RWDD3: variants seen among roughly 807,000 people sequenced by gnomAD.
The protein encoded by RWDD3 is RWD domain containing 3.
A neutral mutation model predicts 26.5 loss-of-function variants in RWDD3; 30 were observed. The ratio of observed to expected loss-of-function variants is 1.13; its 90% CI spans 0.85 to 1.54. The LOEUF (loss-of-function observed/expected upper bound fraction) is 1.54. Ranked by LOEUF, RWDD3 falls within the 40% of genes most tolerant of loss-of-function variation. The pLI, the probability that RWDD3 is intolerant of heterozygous loss-of-function variation, is 0.00. For synonymous variants in RWDD3, 113 were observed against 114.5 expected, an observed-to-expected ratio of 0.99 and a Z score of 0.09; for missense variants, 296 against 309.1, an observed-to-expected ratio of 0.96 and a Z score of 0.32.
In RWDD3 at chr1:95,246,633, C is replaced by T. The variant is rs762674258; in HGVS notation, c.665C>T (p.Thr222Ile). ...KEKMISVLFE[T>I]KVQTEHKRFL... ...AAAATGATTAGTGTACTGTTTGAAA[C>T]AAAAGTACAGACAGAACACAAAAGG... The change falls in exon 3 of 4, where the codon ACA (threonine) becomes ATA (isoleucine). Residue 222 changes from threonine (T) to isoleucine (I), a missense_variant. Physicochemically the swap from Thr to Ile is moderately conservative, Grantham distance 89. Transcript: ENST00000370202. 4 of 1,608,020 alleles carry T rather than the reference C, an allele frequency of 2.5e-6. No individual in the cohort carries two copies. In the African/African-American group the frequency reaches 5.4e-5, roughly 22 times the overall value.
In RWDD3 at chr1:95,246,797, A is replaced by C. The variant is rs1049105463; in HGVS notation, c.731A>C (p.Glu244Ala). Reference protein sequence around the residue: ...FEVKEYSALDELQKEFETAGL... With the variant: ...FEVKEYSALDALQKEFETAGL... ...GTCAAAGAGTATTCAGCGTTGGATG[A>C]ATTACAAAAGGAATTTGAAACTGCA... The change falls in exon 4 of 4, where the codon GAA (glutamate) becomes GCA (alanine). Residue 244 changes from glutamate (E) to alanine (A), a missense_variant. Coordinates refer to ENST00000370202, the MANE Select transcript of RWDD3 (RefSeq NM_015485.5). 6.4e-7 allele frequency: 1 copy of C among 1,570,026 alleles called. No individual in the cohort carries two copies. The highest frequency in any genetic ancestry group is 8.6e-7 in the Non-Finnish European group (1 of 1,162,058).
At chr1:95,234,661 G>A (rs533814665) in intron 1 of RWDD3, among the ~76,000 whole-genome samples, 5 of 144,070 alleles carry the variant, frequency 3.5e-5, no homozygotes, top group Admixed American at 7.1e-5. Context: ...ACGCCCCCTC[G>A]TTGTTCTGTG....
At chr1:95,234,985 C>T (rs768283455) in intron 1 of RWDD3, among the ~76,000 whole-genome samples, 2 of 151,998 alleles carry the variant, frequency 1.3e-5, no homozygotes, top group Non-Finnish European at 2.9e-5. Context: ...CTCCGCCTCC[C>T]GAGTAGCTGG....
rs1406819333 is a variant in RWDD3 at position 95,244,717 on chromosome 1, T to C, written c.573+19T>C. 1.2e-6 allele frequency: 2 copies of C among 1,606,648 alleles called. No individual in the cohort carries two copies. Among genetic ancestry groups the C allele is most frequent in the Admixed American group, 3.4e-5 (2 of 59,320 alleles). ...CCTCAAGGTGCCAAAAAGTTAAATG[T>C]TGAGTATGAATCTGGCTATTTTCTG... On this transcript the variant is annotated intron_variant, in intron 2 of 3. Transcript: ENST00000370202.
At chr1:95,234,658 C>T (rs1240142279) in intron 1 of RWDD3, among the ~76,000 whole-genome samples, 12 of 151,784 alleles carry the variant, frequency 7.9e-5, no homozygotes, top group Admixed American at 7.9e-4. Context: ...CTGACGCCCC[C>T]TCGTTGTTCT....
chr1:95,235,578 T>C (rs1246754026), intron 1 of RWDD3, among the ~76,000 whole-genome samples: 1 of 151,610 alleles, frequency 6.6e-6, no homozygotes, highest in African/African-American at 2.4e-5. Context: ...CAGGCTGGTC[T>C]CAATCTCCTG....
intron 1 of RWDD3, among the ~76,000 whole-genome samples, chr1:95,239,366 T>C (rs1162182967): frequency 1.3e-5 from 2 of 152,174 alleles, no homozygotes; most frequent in African/African-American, 4.8e-5. Flanking sequence ...ATGTGTCATA[T>C]GAAAAATTCT....
chr1:95,235,941 T>G (rs1680332769), intron 1 of RWDD3, among the ~76,000 whole-genome samples: 1 of 152,230 alleles, frequency 6.6e-6, no homozygotes, highest in East Asian at 1.9e-4. Context: ...ATACATTATG[T>G]ACATGTTTGG....
intron 1 of RWDD3, among the ~76,000 whole-genome samples, chr1:95,235,739 A>C (rs1680316130): frequency 6.6e-6 from 1 of 152,040 alleles, no homozygotes; most frequent in Non-Finnish European, 1.5e-5. Flanking sequence ...TGCTGCCTAC[A>C]GACTTTGTCA....
chr1:95,238,702 A>G (rs1004012049), intron 1 of RWDD3, among the ~76,000 whole-genome samples: 2 of 152,012 alleles, frequency 1.3e-5, no homozygotes, highest in Non-Finnish European at 1.5e-5. Context: ...AATCCTGAAA[A>G]ACCCATTCTC....
intron 1 of RWDD3, 110 bp downstream of exon 1, chr1:95,234,425 G>C (rs1392693606): frequency 3.0e-6 from 3 of 993,892 alleles, no homozygotes; most frequent in African/African-American, 3.2e-5. Flanking sequence ...CCCACGTATG[G>C]GGACCGGGTT....
intron 1 of RWDD3, among the ~76,000 whole-genome samples, chr1:95,241,684 A>T (rs1680630582): frequency 6.6e-6 from 1 of 152,224 alleles, no homozygotes; most frequent in African/African-American, 2.4e-5. Flanking sequence ...CTAGTGATGG[A>T]TGAGAGACGT....
chr1:95,246,776 A>T lies in RWDD3; in HGVS notation c.710A>T (p.Lys237Ile). The change falls in exon 4 of 4, where the codon AAA becomes ATA. Residue 237 changes from lysine (K) to isoleucine (I), a missense_variant. Transcript: ENST00000370202. ...EHKRFLAFEV[K>I]EYSALDELQK... is the part of the protein sequence containing the mutation. Reference sequence around the variant, plus strand: ...TGCAGGTTTCTGGCATTTGAAGTCAAAGAGTATTCAGCGTTGGATGAATTA... The same window carrying T: ...TGCAGGTTTCTGGCATTTGAAGTCATAGAGTATTCAGCGTTGGATGAATTA... 1 of 1,563,970 alleles carries T rather than the reference A, an allele frequency of 6.4e-7. No individual in the cohort carries two copies. Among genetic ancestry groups the T allele is most frequent in the Non-Finnish European group, 8.6e-7 (1 of 1,158,678 alleles).
intron 1 of RWDD3, chr1:95,243,266 G>A (rs983155435): frequency 9.2e-5 from 14 of 152,170 alleles, no homozygotes; most frequent in Non-Finnish European, 1.8e-4. Flanking sequence ...CTTTAAAATG[G>A]GGATACATTC....
chr1:95,243,887 CA>C (rs1485441170), intron 1 of RWDD3, among the ~76,000 whole-genome samples: 1 of 152,084 alleles, frequency 6.6e-6, no homozygotes, highest in Non-Finnish European at 1.5e-5. Flanking sequence ...TAGGGATTTT[CA>C]GAATTATCAA....
At chr1:95,243,121 G>A (rs1403672006) in intron 1 of RWDD3, 3 of 152,182 alleles carry the variant, frequency 2.0e-5, no homozygotes, top group Non-Finnish European at 2.9e-5. Context: ...CCTTGCAGCT[G>A]GTACTGAAGA....
Position 95,234,212 on chromosome 1 carries a change from G to C in RWDD3, c.-19G>C, listed in dbSNP as rs1344157594. 1 of 1,572,296 alleles carries C rather than the reference G, an allele frequency of 6.4e-7. No individual in the cohort carries two copies. The highest frequency in any genetic ancestry group is 1.4e-5 in the African/African-American group (1 of 73,992). On this transcript the variant is annotated 5_prime_UTR_variant, in exon 1 of 4. Transcript: ENST00000370202. ...GCGGCAGCGGAAGGGGAAGCGCTGA[G>C]GCGGTGGGGCCCACAGCCATGGCGG...
At chr1:95,241,086 T>G (rs186152056) in intron 1 of RWDD3, among the ~76,000 whole-genome samples, 2 of 150,780 alleles carry the variant, frequency 1.3e-5, no homozygotes, top group Non-Finnish European at 3.0e-5. Context: ...ACAAGACCAG[T>G]GATAGAGTTT....
intron 1 of RWDD3, among the ~76,000 whole-genome samples, chr1:95,243,933 A>C (rs74394235): frequency 0.023 from 3,449 of 152,350 alleles, 61 homozygotes; most frequent in Non-Finnish European, 0.035. Context: ...ATCTGATGAA[A>C]AACCTTTCTG....
Sources: allele counts gnomAD v4.1 joint callset (sites outside exome capture counted in the v4.1 genomes callset), GRCh38; gene constraint gnomAD v4.1.1; transcripts MANE v1.5; gene names NCBI Gene and HGNC (gene_info 2026-07-23, HGNC 2026-07-21).